The following KIAA1549L variants were observed in gnomAD, a reference collection of about 807,000 sequenced individuals.
KIAA1549L encodes the protein KIAA1549 like, also known as UPF0606 protein KIAA1549L.
Under a neutral mutation model 160.7 loss-of-function variants are expected in KIAA1549L, and 88 were observed. That is an observed-to-expected ratio of 0.55 (90% CI 0.46 to 0.65). The LOEUF (loss-of-function observed/expected upper bound fraction) is 0.65, where lower values mean the gene tolerates loss of function less well. Among genes scored for constraint, KIAA1549L ranks in the 30% least tolerant of loss-of-function variants. The pLI, the probability that KIAA1549L is intolerant of heterozygous loss-of-function variation, is 0.00. For synonymous variants in KIAA1549L, 950 were observed against 976.7 expected (o/e 0.97, Z 0.51); for missense variants, 2,258 against 2,437.5 (o/e 0.93, Z 1.55).
intron 1 of KIAA1549L, among the ~76,000 whole-genome samples, chr11:33,503,062 C>A (rs531061600): frequency 3.3e-5 from 5 of 152,296 alleles, no homozygotes; most frequent in Admixed American, 6.5e-5. Flanking sequence ...GTAATTAGCA[C>A]CTAGATCAAG....
At chr11:33,570,188 G>C (rs1414851954) in intron 9 of KIAA1549L, among the ~76,000 whole-genome samples, 1 of 152,034 alleles carries the variant, frequency 6.6e-6, no homozygotes, top group Non-Finnish European at 1.5e-5. Flanking sequence ...ATTTTTAGTA[G>C]AGTTGGGATT....
At position 33,672,621 on chromosome 11, in the gene KIAA1549L, C is replaced by T. The variant is rs1331406192; in HGVS notation, c.*4467C>T. The T allele has an allele frequency of 1.9e-5, 3 of 154,092 alleles. No individual in the cohort carries two copies. The highest frequency in any genetic ancestry group is 3.4e-3 in the Middle Eastern group (1 of 294). 9.5% of individuals were successfully genotyped at this position (154,092 alleles called of 1,614,324 possible). A position where few individuals can be genotyped will look rare whatever the true frequency, so the allele number is the denominator to read the frequency against. On this transcript the variant is annotated 3_prime_UTR_variant, in exon 21 of 21. Transcript: ENST00000658780. ...GCCATGCCACGCAGCAGCCAGCACT[C>T]GGAGAGCAGTCCCCTGGATACTACC...
chr11:33,624,062 G>A (rs929923048), intron 16 of KIAA1549L, among the ~76,000 whole-genome samples: 1 of 152,174 alleles, frequency 6.6e-6, no homozygotes, highest in African/African-American at 2.4e-5. Context: ...TTCAGGGAGA[G>A]GAGGAAGTAG....
chr11:33,578,485 A>T (rs1290875719), intron 10 of KIAA1549L, among the ~76,000 whole-genome samples: 1 of 152,210 alleles, frequency 6.6e-6, no homozygotes, highest in Non-Finnish European at 1.5e-5. Flanking sequence ...AGTAGCTTCC[A>T]AAGTGACTCA....
intron 1 of KIAA1549L, among the ~76,000 whole-genome samples, chr11:33,537,218 C>G (rs1305097630): frequency 6.6e-6 from 1 of 152,202 alleles, no homozygotes; most frequent in African/African-American, 2.4e-5. Context: ...TTCTTTGGAT[C>G]TTGATAGTCA....
At chr11:33,659,821 C>T (rs914338725) in intron 19 of KIAA1549L, among the ~76,000 whole-genome samples, 2 of 152,236 alleles carry the variant, frequency 1.3e-5, no homozygotes, top group African/African-American at 4.8e-5. Context: ...TGGACCACCA[C>T]TTCTGTAGAA....
intron 17 of KIAA1549L, among the ~76,000 whole-genome samples, chr11:33,651,205 T>C (rs1851873590): frequency 6.6e-6 from 1 of 152,124 alleles, no homozygotes; most frequent in African/African-American, 2.4e-5. Context: ...CTGATAAGAA[T>C]AGTCAGGCGG....
intron 1 of KIAA1549L, among the ~76,000 whole-genome samples, chr11:33,392,250 A>G (rs1241222778): frequency 2.6e-5 from 4 of 152,234 alleles, no homozygotes; most frequent in African/African-American, 9.6e-5. Flanking sequence ...ACGGAAAAGT[A>G]GAAAGAACAA....
intron 1 of KIAA1549L, among the ~76,000 whole-genome samples, chr11:33,383,081 C>T (rs889579906): frequency 1.3e-5 from 2 of 152,064 alleles, no homozygotes; most frequent in African/African-American, 4.8e-5. Flanking sequence ...CACATCCTTC[C>T]GTCAAACTGA....
chr11:33,403,487 G>GAC (rs112066335), intron 1 of KIAA1549L: 2,904 of 147,374 alleles, frequency 0.02, 60 homozygotes, highest in African/African-American at 0.043. Flanking sequence ...ACACACATCA[G>GAC]ACACACATAG....
At chr11:33,619,049 A>G (rs1273686733) in intron 16 of KIAA1549L, among the ~76,000 whole-genome samples, 2 of 152,204 alleles carry the variant, frequency 1.3e-5, no homozygotes, top group African/African-American at 2.4e-5. Context: ...GAAAAGCTGG[A>G]TTTGTTCCTG....
At chr11:33,633,919 G>A (rs550895898) in intron 16 of KIAA1549L, among the ~76,000 whole-genome samples, 12 of 152,310 alleles carry the variant, frequency 7.9e-5, no homozygotes, top group African/African-American at 2.9e-4. Context: ...AATTAAATGA[G>A]CTAATGCAGA....
chr11:33,614,900 A>C (rs576480470), intron 15 of KIAA1549L, among the ~76,000 whole-genome samples: 19 of 148,902 alleles, frequency 1.3e-4, no homozygotes, highest in African/African-American at 4.7e-4. Flanking sequence ...CATGAGCCAC[A>C]GTGCCGGGCC....
intron 1 of KIAA1549L, among the ~76,000 whole-genome samples, chr11:33,385,505 C>A (rs1215754689): frequency 3.3e-5 from 5 of 152,074 alleles, no homozygotes; most frequent in Non-Finnish European, 4.4e-5. Flanking sequence ...TGCTAAATGT[C>A]CCCCTAGGGA....
chr11:33,575,020 T>G (rs1029960969), intron 10 of KIAA1549L, 147 bp downstream of exon 10: 23 of 712,640 alleles, frequency 3.2e-5, no homozygotes, highest in South Asian at 1.3e-4. Context: ...GCTATGTTTC[T>G]GTGTTGTTTC....
In KIAA1549L at chr11:33,569,412, A is replaced by G. The variant is rs187844946; in HGVS notation, c.4230+1185A>G. Reference sequence around the variant, plus strand: ...GGACTTCCTACCTGGAATTGAGCAGACTACCCCTGGCATGTGAACCCCTGA... The same window carrying G: ...GGACTTCCTACCTGGAATTGAGCAGGCTACCCCTGGCATGTGAACCCCTGA... On this transcript the variant is annotated intron_variant, in intron 9 of 20. Coordinates refer to ENST00000658780, the MANE Select transcript of KIAA1549L (RefSeq NM_012194.3). Among the ~76,000 whole-genome samples, 187 of 152,350 alleles carry G rather than the reference A, an allele frequency of 1.2e-3. 2 individuals are homozygous for G. The Middle Eastern group carries it at 0.014, about 11-fold the overall frequency.
At chr11:33,393,020 C>T (rs1015369489) in intron 1 of KIAA1549L, among the ~76,000 whole-genome samples, 9 of 152,298 alleles carry the variant, frequency 5.9e-5, no homozygotes, top group Admixed American at 3.3e-4. Flanking sequence ...AAACCAGCCT[C>T]GTCCTCCAGC....
chr11:33,531,661 T>C (rs1853776936), intron 1 of KIAA1549L, among the ~76,000 whole-genome samples: 4 of 152,216 alleles, frequency 2.6e-5, no homozygotes, highest in Admixed American at 1.3e-4. Context: ...CTTCAAGGCA[T>C]GGCAATTTGA....
Position 33,541,867 on chromosome 11 carries a change from C to A in KIAA1549L, c.304C>A (p.Pro102Thr). The change falls in exon 2 of 21, where the codon CCA (proline) becomes ACA (threonine). Residue 102 changes from proline to threonine, a missense_variant. Physicochemically the swap from Pro to Thr is conservative, Grantham distance 38. Coordinates refer to ENST00000658780, the MANE Select transcript of KIAA1549L (RefSeq NM_012194.3). Reference sequence around the variant, plus strand: ...GTCATTTCCTCCCGGGAAATTGTTACCAATTTCACCAACATGGCCTTTCAC... The same window carrying A: ...GTCATTTCCTCCCGGGAAATTGTTAACAATTTCACCAACATGGCCTTTCAC... ...PESFPPGKLL[P>T]ISPTWPFTEV... is the part of the protein sequence containing the mutation. The A allele has an allele frequency of 3.8e-6, 1 of 265,476 alleles. No homozygotes were observed. The highest frequency in any genetic ancestry group is 7.9e-6 in the Non-Finnish European group (1 of 127,076). 16.4% of individuals were successfully genotyped at this position (265,476 alleles called of 1,614,324 possible).
Sources: allele counts gnomAD v4.1 joint callset (sites outside exome capture counted in the v4.1 genomes callset), GRCh38; gene constraint gnomAD v4.1.1; transcripts MANE v1.5; gene names NCBI Gene and HGNC (gene_info 2026-07-23, HGNC 2026-07-21).